Variants in PTPRU observed in about 807,000 individuals in gnomAD.
PTPRU encodes the protein receptor-type tyrosine-protein phosphatase U.
A neutral mutation model predicts 166.3 loss-of-function variants in PTPRU; 69 were observed. The observed-to-expected ratio is 0.41, with a 90% CI of 0.34 to 0.51. PTPRU has a LOEUF of 0.51. Ranked by LOEUF, PTPRU falls within the 20% of genes least tolerant of loss-of-function variation. The probability of loss-of-function intolerance (pLI) is 0.09; values close to 1 mark genes in which losing one functional copy is unlikely to be tolerated. For missense variants in PTPRU, 1,657 were observed against 2,013.7 expected, an observed-to-expected ratio of 0.82 and a Z score of 3.39; for synonymous variants, 793 against 814.0, an observed-to-expected ratio of 0.97 and a Z score of 0.44.
chr1:29,290,670 C>T (rs1050661135), intron 14 of PTPRU, among the ~76,000 whole-genome samples: 4 of 152,254 alleles, frequency 2.6e-5, no homozygotes, highest in African/African-American at 4.8e-5. Flanking sequence ...CCCAGCGACT[C>T]GCGCTGAGCC....
At position 29,282,657 on chromosome 1, in the gene PTPRU, C is replaced by T. The variant is rs773997019; in HGVS notation, c.1869-19C>T. 22 of 1,607,544 alleles carry T rather than the reference C, an allele frequency of 1.4e-5. No homozygotes were observed. Among genetic ancestry groups the T allele is most frequent in the African/African-American group, 6.7e-5 (5 of 74,824 alleles). On this transcript the variant is annotated intron_variant, in intron 11 of 29. Coordinates refer to ENST00000373779, the MANE Select transcript of PTPRU (RefSeq NM_133178.4). ...CTCTGGCCGCCTGTGATCCCCTGTA[C>T]GCTCTCCTCCCTGTCCAGTGTGTAC...
chr1:29,279,723 A>G lies in PTPRU; in HGVS notation c.1765+66A>G, dbSNP rs1011741846. On this transcript the variant is annotated intron_variant, in intron 10 of 29. Transcript: ENST00000373779. The surrounding 1 kb of genome is among the most constrained non-coding windows in gnomAD (Gnocchi z 5.2). ...CCCAGAATCCCAGGGTTCCATGGGC[A>G]GAAGGGAAATGGGGGGCATCCTGGG... The G allele has an allele frequency of 6.5e-7, 1 of 1,548,232 alleles. No individual in the cohort carries two copies. The highest frequency in any genetic ancestry group is 8.8e-7 in the Non-Finnish European group (1 of 1,131,056).
At chr1:29,294,937 G>A (rs72651213) in intron 15 of PTPRU, among the ~76,000 whole-genome samples, 9,025 of 152,212 alleles carry the variant, frequency 0.059, 341 homozygotes, top group Non-Finnish European at 0.086. Flanking sequence ...CTAACCACAC[G>A]GTCTAATTAT....
At chr1:29,289,832 T>C (rs954637129) in intron 14 of PTPRU, 1 of 1,146,548 alleles carries the variant, frequency 8.7e-7, no homozygotes, top group Admixed American at 2.0e-5. Context: ...GTCCACCCGG[T>C]TCTCTCTGGT....
intron 7 of PTPRU, among the ~76,000 whole-genome samples, chr1:29,261,133 A>G (rs1265039298): frequency 6.6e-6 from 1 of 152,182 alleles, no homozygotes; most frequent in Non-Finnish European, 1.5e-5. Context: ...TAGATTTAAA[A>G]CTTACAACAC....
At chr1:29,290,078 C>T (rs1443011819) in intron 14 of PTPRU, among the ~76,000 whole-genome samples, 2 of 152,198 alleles carry the variant, frequency 1.3e-5, no homozygotes, top group African/African-American at 2.4e-5. Flanking sequence ...ACCAAATCCA[C>T]GTTCAGGACA....
At chr1:29,308,878 A>G (rs757201686) in intron 18 of PTPRU, among the ~76,000 whole-genome samples, 2 of 151,656 alleles carry the variant, frequency 1.3e-5, no homozygotes, top group Non-Finnish European at 1.5e-5. Context: ...AACAAACAAA[A>G]ATTAGTTGGA....
rs1035131622 is a variant in PTPRU, at chr1:29,260,540, A to C, written c.851-70A>C. 5.9e-6 allele frequency: 7 copies of C among 1,178,726 alleles called. No homozygotes were observed. The Admixed American group carries it at 1.0e-4, about 17-fold the overall frequency. 73.0% of individuals were successfully genotyped at this position (1,178,726 alleles called of 1,614,324 possible). On this transcript the variant is annotated intron_variant, in intron 6 of 29. Coordinates refer to ENST00000373779, the MANE Select transcript of PTPRU (RefSeq NM_133178.4). This position sits in a 1 kb window ranked among gnomAD's most constrained non-coding sequence, Gnocchi z 8.3. ...ACGGAGAGGGATTTGGGTGTGGTGG[A>C]ACTCAGAGTTGGGTGCTGGGGTCTC...
chr1:29,295,222 T>G lies in PTPRU; in HGVS notation c.2476+3196T>G, dbSNP rs1479982166. Reference sequence around the variant, plus strand: ...GGCTAATCTTTGCATTTTTTTTTTTTTGGTAGAGACGGGGTTTCACTATGT... The same window carrying G: ...GGCTAATCTTTGCATTTTTTTTTTTGTGGTAGAGACGGGGTTTCACTATGT... On this transcript the variant is annotated intron_variant, in intron 15 of 29. Coordinates refer to ENST00000373779, the MANE Select transcript of PTPRU (RefSeq NM_133178.4). Among the ~76,000 whole-genome samples, 3 of 152,122 alleles carry G rather than the reference T, an allele frequency of 2.0e-5. No individual in the cohort carries two copies. In the East Asian group the frequency reaches 5.8e-4, roughly 29 times the overall value.
In PTPRU at chr1:29,279,207, G is replaced by A; in HGVS notation, c.1563+86G>A. ...TCTCTCTGCTGCTACAGTAGGAGGTGCATGGGAGGACAGATGTGATTGTCA... is the reference window on the plus strand; with the variant it reads ...TCTCTCTGCTGCTACAGTAGGAGGTACATGGGAGGACAGATGTGATTGTCA... On this transcript the variant is annotated intron_variant, in intron 9 of 29. Coordinates refer to ENST00000373779, the MANE Select transcript of PTPRU (RefSeq NM_133178.4). This position sits in a 1 kb window ranked among gnomAD's most constrained non-coding sequence, Gnocchi z 5.2. 2 of 1,198,122 alleles carry A rather than the reference G, an allele frequency of 1.7e-6. No individual in the cohort carries two copies. The highest frequency in any genetic ancestry group is 2.4e-6 in the Non-Finnish European group (2 of 831,238). 74.2% of individuals were successfully genotyped at this position (1,198,122 alleles called of 1,614,324 possible). A position where few individuals can be genotyped will look rare whatever the true frequency, so the allele number is the denominator to read the frequency against.
intron 13 of PTPRU, among the ~76,000 whole-genome samples, chr1:29,284,424 A>C (rs950775976): frequency 6.6e-6 from 1 of 152,148 alleles, no homozygotes; most frequent in African/African-American, 2.4e-5. Context: ...CAGGAGGGCA[A>C]GAGGGTGGGG....
chr1:29,309,360 C>G (rs1368869821), intron 18 of PTPRU, among the ~76,000 whole-genome samples: 4 of 152,104 alleles, frequency 2.6e-5, no homozygotes, highest in Admixed American at 1.3e-4. Flanking sequence ...GAAGCACCTT[C>G]TCAGCGCTCA....
intron 29 of PTPRU, 62 bp from the exon 30 acceptor site, chr1:29,325,537 C>G (rs527245418): frequency 9.7e-6 from 15 of 1,543,912 alleles, no homozygotes; most frequent in African/African-American, 4.1e-5. Flanking sequence ...CCGTTCCCCT[C>G]CCCCCACAAT....
Position 29,325,586 on chromosome 1 carries a change from T to A in PTPRU, c.4249-13T>A. On this transcript the variant is annotated splice_polypyrimidine_tract_variant and intron_variant, in intron 29 of 29. Coordinates refer to ENST00000373779, the MANE Select transcript of PTPRU (RefSeq NM_133178.4). Reference sequence around the variant, plus strand: ...TCAGGCTCATGATTCCCTCCCTCTCTTCCTCTCCCCAGGATCAGTACCACT... The same window carrying A: ...TCAGGCTCATGATTCCCTCCCTCTCATCCTCTCCCCAGGATCAGTACCACT... 1 of 1,605,658 alleles carries A rather than the reference T, an allele frequency of 6.2e-7. No homozygotes were observed. The highest frequency in any genetic ancestry group is 1.1e-5 in the South Asian group (1 of 90,862).
chr1:29,255,174 C>G (rs190338482), intron 1 of PTPRU, 101 bp from the exon 2 acceptor site: 9 of 1,365,278 alleles, frequency 6.6e-6, no homozygotes, highest in Non-Finnish European at 8.9e-6. Flanking sequence ...GGGAGGAGGG[C>G]AGGTGGGCCT....
intron 13 of PTPRU, 84 bp downstream of exon 13, chr1:29,284,060 G>C: frequency 6.5e-7 from 1 of 1,539,122 alleles, no homozygotes; most frequent in Non-Finnish European, 9.0e-7. Context: ...GAGGACCTAC[G>C]GCTGTGGGAG....
rs1194703745 is a variant in PTPRU, at chr1:29,237,700, CTGTT to C, written c.73+988_73+991del. On this transcript the variant is annotated intron_variant, in intron 1 of 29. Coordinates refer to ENST00000373779, the MANE Select transcript of PTPRU (RefSeq NM_133178.4). The surrounding 1 kb of genome is among the most constrained non-coding windows in gnomAD (Gnocchi z 6.4). ...CGGCCGCCGCCTCGGGCATGTCGGA[CTGTT>C]TGTTGTTTCGCAAGTTCCGCGCGGC... Among the ~76,000 whole-genome samples the C allele has an allele frequency of 2.0e-5, 3 of 150,862 alleles. No individual in the cohort carries two copies. Among genetic ancestry groups the C allele is most frequent in the African/African-American group, 7.3e-5 (3 of 41,092 alleles).
intron 15 of PTPRU, among the ~76,000 whole-genome samples, chr1:29,294,321 A>G (rs1192839129): frequency 6.6e-6 from 1 of 152,210 alleles, no homozygotes; most frequent in Admixed American, 6.5e-5. Context: ...ACTGATGACT[A>G]ATGAAGTTGA....
intron 17 of PTPRU, 55 bp downstream of exon 17, chr1:29,304,904 A>T (rs1687316537): frequency 1.3e-6 from 2 of 1,494,824 alleles, no homozygotes; most frequent in Non-Finnish European, 1.8e-6. Context: ...GGGCATCAGG[A>T]GGGGGAACAC....
Sources: gnomAD v4.1 joint callset for allele counts (sites outside exome capture counted in the v4.1 genomes callset) on GRCh38, gnomAD v4.1.1 for gene constraint, Gnocchi (gnomAD v3.1) non-coding constraint, MANE v1.5 for transcripts, NCBI Gene and HGNC (gene_info 2026-07-23, HGNC 2026-07-21) for gene names.